Variants in PHF19 observed in about 807,000 individuals in gnomAD.
The protein encoded by PHF19 is PHD finger protein 19.
PHF19 carries 21 observed loss-of-function variants against 79.8 expected under a neutral mutation model. The observed-to-expected ratio is 0.26, with a 90% CI of 0.19 to 0.38. The LOEUF (loss-of-function observed/expected upper bound fraction) is 0.38, where lower values mean the gene tolerates loss of function less well. Among genes scored for constraint, PHF19 ranks in the 10% least tolerant of loss-of-function variants. PHF19 has a pLI of 1.00. For synonymous variants in PHF19, 273 were observed against 296.3 expected, an observed-to-expected ratio of 0.92 and a Z score of 0.81; for missense variants, 445 against 744.2, an observed-to-expected ratio of 0.60 and a Z score of 4.68.
chr9:120,886,477 G>A (rs924910338), intron 1 of PHF19, among the ~76,000 whole-genome samples: 16 of 152,380 alleles, frequency 1.1e-4, no homozygotes, highest in African/African-American at 3.8e-4. Flanking sequence ...CTGCAGCAAG[G>A]AGCTTGGTCT....
At chr9:120,858,438 A>C in intron 14 of PHF19, 152 bp from the exon 15 acceptor site, 1 of 553,368 alleles carries the variant, frequency 1.8e-6, no homozygotes, top group Non-Finnish European at 3.0e-6. Context: ...TGCTCTCTCA[A>C]AGGTGCCTGT....
At chr9:120,865,356 A>C (rs757384533) in intron 9 of PHF19, among the ~76,000 whole-genome samples, 69 of 152,216 alleles carry the variant, frequency 4.5e-4, no homozygotes, top group South Asian at 1.2e-3. Context: ...TGAGGCTTCC[A>C]AGGCCCTTGG....
At chr9:120,864,297 A>G (rs1293670044) in intron 9 of PHF19, among the ~76,000 whole-genome samples, 181 bp from the exon 10 acceptor site, 1 of 152,222 alleles carries the variant, frequency 6.6e-6, no homozygotes, top group African/African-American at 2.4e-5. Context: ...CCATTTGTAA[A>G]TGGAGAGAAT....
In PHF19 at chr9:120,866,984, CA is replaced by C. The variant is rs1278063798; in HGVS notation, c.615-20del. The C allele has an allele frequency of 2.0e-6, 3 of 1,491,744 alleles. No homozygotes were observed. Among genetic ancestry groups the C allele is most frequent in the Non-Finnish European group, 2.8e-6 (3 of 1,068,756 alleles). The allele number at this position is 1,491,744 out of a possible 1,614,324, so 92.4% of individuals were successfully genotyped here. On this transcript the variant is annotated intron_variant, in intron 6 of 14. Coordinates refer to ENST00000373896, the MANE Select transcript of PHF19 (RefSeq NM_015651.3). The surrounding 1 kb of genome is among the most constrained non-coding windows in gnomAD (Gnocchi z 5.2). ...GTACCATCTGGAGAGACAGAGGAGC[CA>C]AGGTCAGCCAGGACCACACCCCCAG...
intron 10 of PHF19, chr9:120,863,013 C>T: frequency 2.3e-6 from 1 of 444,028 alleles, no homozygotes; most frequent in East Asian, 4.4e-5. Flanking sequence ...TTTGCCTCAA[C>T]CAGCCCCAAG....
At chr9:120,882,880 CAA>C (rs1455588692) in intron 1 of PHF19, among the ~76,000 whole-genome samples, 1 of 150,226 alleles carries the variant, frequency 6.7e-6, no homozygotes, top group Admixed American at 6.6e-5. Flanking sequence ...GCTCTACACA[CAA>C]GAGGCTTTTC....
Position 120,884,682 on chromosome 9 carries a change from C to T in PHF19, c.43-9926G>A, listed in dbSNP as rs926028633. Among the ~76,000 whole-genome samples, 11 of 150,596 alleles carry T rather than the reference C, an allele frequency of 7.3e-5. No individual in the cohort carries two copies. The South Asian group carries it at 1.3e-3, about 17-fold the overall frequency. ...CAGCACTTTGGGAGGCTGAGGTGGG[C>T]GGATCACCAGAGGCCAGGAGTTTGA... On this transcript the variant is annotated intron_variant, in intron 1 of 14. Transcript: ENST00000616568.
At position 120,858,239 on chromosome 9, in the gene PHF19, A is replaced by G. The variant is rs1339369928; in HGVS notation, c.1448T>C (p.Met483Thr). Residue 483 changes from methionine (M) to threonine (T), a missense_variant, in exon 15 of 15, where the codon ATG (methionine) becomes ACG (threonine). Met to Thr is a moderately conservative substitution (Grantham distance 81). Transcript: ENST00000373896. ...TGCCCACCGCTTTGCCCGCAGGGGCATGTATGCCTTGGCTGCCAGCTTCCT... is the reference window on the plus strand; with the variant it reads ...TGCCCACCGCTTTGCCCGCAGGGGCGTGTATGCCTTGGCTGCCAGCTTCCT... The part of the protein sequence containing the change: ...RKRKLAAKAY[M>T]PLRAKRWAAE... 6.4e-7 allele frequency: 1 copy of G among 1,558,066 alleles called. No individual in the cohort carries two copies. Among genetic ancestry groups the G allele is most frequent in the Admixed American group, 1.8e-5 (1 of 54,968 alleles).
chr9:120,891,756 C>A lies in PHF19; in HGVS notation c.42+3032G>T, dbSNP rs182986585. Among the ~76,000 whole-genome samples, 7 of 152,340 alleles carry A rather than the reference C, an allele frequency of 4.6e-5. No homozygotes were observed. In the South Asian group the frequency reaches 6.2e-4, roughly 14 times the overall value. ...TAGTCCCCCACAGGCCCCACCCAGT[C>A]TTCCGTGCTTGTTAGGAGAGACGGA... On this transcript the variant is annotated intron_variant, in intron 1 of 14. Transcript: ENST00000616568. The surrounding 1 kb of genome is among the most constrained non-coding windows in gnomAD (Gnocchi z 4.3).
intron 1 of PHF19, among the ~76,000 whole-genome samples, chr9:120,882,668 C>G (rs1226278224): frequency 6.6e-6 from 1 of 151,840 alleles, no homozygotes; most frequent in Admixed American, 6.6e-5. Context: ...ATGATGAAAC[C>G]CCATCTTTAC....
chr9:120,888,788 G>A (rs1433325875), intron 1 of PHF19, among the ~76,000 whole-genome samples: 1 of 152,334 alleles, frequency 6.6e-6, no homozygotes, highest in African/African-American at 2.4e-5. Context: ...GCCAAGGGAA[G>A]GCTGCAGGCA....
At chr9:120,896,245 C>T (rs2131605395), upstream of PHF19, among the ~76,000 whole-genome samples, 1 of 152,182 alleles carries the variant, frequency 6.6e-6, no homozygotes, top group Non-Finnish European at 1.5e-5. Flanking sequence ...TTACTGAGGG[C>T]TCACTCGTAC....
upstream of PHF19, among the ~76,000 whole-genome samples, chr9:120,881,304 C>T (rs535975760): frequency 1.1e-4 from 16 of 151,928 alleles, no homozygotes; most frequent in Admixed American, 8.5e-4. Flanking sequence ...CCCACCACCA[C>T]GCCCCGCTGA....
intron 10 of PHF19, 52 bp downstream of exon 10, chr9:120,863,997 G>A: frequency 7.0e-7 from 1 of 1,420,904 alleles, no homozygotes; most frequent in Non-Finnish European, 9.9e-7. Flanking sequence ...AGGTAGGAAG[G>A]AATCTCACCT....
chr9:120,897,393 G>A (rs954765026), upstream of PHF19, among the ~76,000 whole-genome samples: 1 of 152,236 alleles, frequency 6.6e-6, no homozygotes, highest in Non-Finnish European at 1.5e-5. Flanking sequence ...AGATATGTGG[G>A]TGTGTATGGG....
At chr9:120,883,450 C>G (rs1287992210) in intron 1 of PHF19, among the ~76,000 whole-genome samples, 1 of 152,176 alleles carries the variant, frequency 6.6e-6, no homozygotes, top group Non-Finnish European at 1.5e-5. Flanking sequence ...TAAGATGCAG[C>G]CTTTGATCTC....
chr9:120,897,971 C>A (rs2046415390), upstream of PHF19, among the ~76,000 whole-genome samples: 1 of 117,568 alleles, frequency 8.5e-6, no homozygotes. Context: ...AGAGTGAGAC[C>A]CCGTCTCAAA....
At chr9:120,894,035 G>C (rs961383410) in intron 1 of PHF19, among the ~76,000 whole-genome samples, 3 of 152,198 alleles carry the variant, frequency 2.0e-5, no homozygotes, top group Non-Finnish European at 4.4e-5. Flanking sequence ...CACAAGCCCA[G>C]GGGTGATCCC....
chr9:120,857,721 A>G lies in PHF19; in HGVS notation c.*223T>C. On this transcript the variant is annotated 3_prime_UTR_variant, in exon 15 of 15. Coordinates refer to ENST00000373896, the MANE Select transcript of PHF19 (RefSeq NM_015651.3). ...GAGGGGGTGTGGAGTGTGTAGAGAC[A>G]CAGGCACAGGGGTAACGAGCCTGAG... The G allele has an allele frequency of 4.0e-6, 2 of 503,160 alleles. No individual in the cohort carries two copies. The highest frequency in any genetic ancestry group is 7.0e-6 in the Non-Finnish European group (2 of 284,498). The allele number at this position is 503,160 out of a possible 1,614,324, so 31.2% of individuals were successfully genotyped here. A position where few individuals can be genotyped will look rare whatever the true frequency, so the allele number is the denominator to read the frequency against.
Sources: allele counts gnomAD v4.1 joint callset (sites outside exome capture counted in the v4.1 genomes callset), GRCh38; gene constraint gnomAD v4.1.1; non-coding constraint Gnocchi (gnomAD v3.1); transcripts MANE v1.5; gene names NCBI Gene and HGNC (gene_info 2026-07-23, HGNC 2026-07-21).